The following SORCS3 variants were observed in gnomAD, a reference collection of about 807,000 sequenced individuals.
The protein encoded by SORCS3 is sortilin related VPS10 domain containing receptor 3.
A neutral mutation model predicts 146.3 loss-of-function variants in SORCS3; 57 were observed. The ratio of observed to expected loss-of-function variants is 0.39; its 90% CI spans 0.31 to 0.49. SORCS3 has a LOEUF of 0.49. Ranked by LOEUF, SORCS3 falls within the 20% of genes least tolerant of loss-of-function variation. The pLI is 0.92. For synonymous variants in SORCS3, 653 were observed against 618.5 expected, an observed-to-expected ratio of 1.06 and a Z score of -0.83; for missense variants, 1,341 against 1,575.5, an observed-to-expected ratio of 0.85 and a Z score of 2.52.
intron 14 of SORCS3, among the ~76,000 whole-genome samples, chr10:105,179,029 G>A (rs1376540330): frequency 1.3e-5 from 2 of 152,134 alleles, no homozygotes; most frequent in Non-Finnish European, 2.9e-5. Context: ...GTTTGAATTA[G>A]TCTTTTTCCA....
chr10:104,664,920 G>A (rs557778074), intron 1 of SORCS3: 2 of 152,564 alleles, frequency 1.3e-5, no homozygotes, highest in Admixed American at 1.3e-4. Context: ...ATCTTACAGT[G>A]AAGGGGGCTA....
intron 1 of SORCS3, among the ~76,000 whole-genome samples, chr10:104,669,914 C>A (rs906844461): frequency 3.3e-5 from 5 of 151,640 alleles, no homozygotes; most frequent in African/African-American, 1.2e-4. Context: ...TTATAGTAGT[C>A]ATCTGAATGG....
At chr10:105,112,358 G>A (rs564918420) in intron 7 of SORCS3, among the ~76,000 whole-genome samples, 5 of 152,078 alleles carry the variant, frequency 3.3e-5, no homozygotes, top group South Asian at 4.2e-4. Context: ...TGATTAGGAC[G>A]GGCTTTATGG....
At chr10:104,721,497 T>C (rs1009361440) in intron 1 of SORCS3, among the ~76,000 whole-genome samples, 7 of 151,456 alleles carry the variant, frequency 4.6e-5, no homozygotes, top group African/African-American at 1.7e-4. Flanking sequence ...AAAGTAGTTT[T>C]TTCCAATTCT....
rs528155314 is a variant in SORCS3, at chr10:105,096,218, C to T, written c.1093+6379C>T. Among the ~76,000 whole-genome samples the T allele has an allele frequency of 9.2e-5, 14 of 152,200 alleles. No individual in the cohort carries two copies. The South Asian group carries it at 2.9e-3, about 32-fold the overall frequency. On this transcript the variant is annotated intron_variant, in intron 6 of 26. Transcript: ENST00000369701. ...AATGAAGTATCTCCTGGGAAAGGTC[C>T]TGGGCATTGGCCTTTTATAAAGTTG... is the stretch of plus-strand genomic sequence containing the variant.
intron 1 of SORCS3, among the ~76,000 whole-genome samples, chr10:104,780,215 G>T (rs1170767208): frequency 1.3e-5 from 2 of 151,898 alleles, no homozygotes; most frequent in South Asian, 4.2e-4. Context: ...AATTGGAAAT[G>T]CAGGAGAACT....
intron 5 of SORCS3, among the ~76,000 whole-genome samples, chr10:105,085,649 C>T (rs1589624914): frequency 6.6e-6 from 1 of 152,196 alleles, no homozygotes; most frequent in Non-Finnish European, 1.5e-5. Context: ...CACACCTTCA[C>T]AAACAAAGGC....
chr10:105,253,270 C>T (rs905024332), intron 23 of SORCS3, among the ~76,000 whole-genome samples: 1 of 152,128 alleles, frequency 6.6e-6, no homozygotes, highest in African/African-American at 2.4e-5. Flanking sequence ...TTGTTTATTT[C>T]TGGGACTATG....
At chr10:104,757,430 G>A (rs1468764489) in intron 1 of SORCS3, among the ~76,000 whole-genome samples, 1 of 152,188 alleles carries the variant, frequency 6.6e-6, no homozygotes, top group Non-Finnish European at 1.5e-5. Context: ...CAAGGCAAGG[G>A]ATACTTGTCC....
chr10:104,766,955 C>T (rs2017188199), intron 1 of SORCS3, among the ~76,000 whole-genome samples: 1 of 152,210 alleles, frequency 6.6e-6, no homozygotes, highest in Non-Finnish European at 1.5e-5. Context: ...TAAATATTAT[C>T]TGCATTCCAG....
chr10:104,783,459 C>A (rs888280665), intron 1 of SORCS3, among the ~76,000 whole-genome samples: 3 of 152,152 alleles, frequency 2.0e-5, no homozygotes, highest in Non-Finnish European at 4.4e-5. Context: ...TGGGGCCGGG[C>A]GTGGTGGCTC....
intron 1 of SORCS3, among the ~76,000 whole-genome samples, chr10:104,735,369 A>C (rs1187297596): frequency 6.7e-6 from 1 of 149,462 alleles, no homozygotes; most frequent in East Asian, 2.0e-4. Flanking sequence ...ATGCGTCCTC[A>C]GCTGTTCACT....
At chr10:104,831,018 G>A (rs1222661617) in intron 1 of SORCS3, among the ~76,000 whole-genome samples, 1 of 151,902 alleles carries the variant, frequency 6.6e-6, no homozygotes, top group Non-Finnish European at 1.5e-5. Context: ...TAGAGGCAAG[G>A]TCTTGCCATG....
intron 2 of SORCS3, among the ~76,000 whole-genome samples, chr10:104,892,969 T>C (rs1204395711): frequency 6.6e-6 from 1 of 152,136 alleles, no homozygotes; most frequent in Non-Finnish European, 1.5e-5. Context: ...ACTGCAAAGC[T>C]CTTTATTTAA....
chr10:104,838,977 C>T (rs748223489), intron 1 of SORCS3, among the ~76,000 whole-genome samples: 115 of 152,258 alleles, frequency 7.6e-4, no homozygotes, highest in Admixed American at 8.5e-4. Context: ...AAGGCTTAAC[C>T]TTGAGTCATG....
chr10:104,750,247 C>A (rs1410077715), intron 1 of SORCS3, among the ~76,000 whole-genome samples: 4 of 152,054 alleles, frequency 2.6e-5, no homozygotes, highest in Middle Eastern at 3.2e-3. Flanking sequence ...GCAATTCATG[C>A]TAGCATAAAT....
At chr10:104,795,925 G>A (rs1206059027) in intron 1 of SORCS3, among the ~76,000 whole-genome samples, 1 of 152,166 alleles carries the variant, frequency 6.6e-6, no homozygotes, top group African/African-American at 2.4e-5. Context: ...TAAAACTCTA[G>A]TTACCAACTT....
chr10:105,167,335 A>T lies in SORCS3; in HGVS notation c.1887A>T (p.Pro629=). The change falls in exon 13 of 27, where the codon CCA becomes CCT. Residue 629 remains proline, a synonymous_variant. Transcript: ENST00000369701. Reference sequence around the variant, plus strand: ...TGGCCATGAAACACACACCTCTGCCAGTCAGGCATTTGTGGTAAGGAGAGC... The same window carrying T: ...TGGCCATGAAACACACACCTCTGCCTGTCAGGCATTTGTGGTAAGGAGAGC... ...ALVAMKHTPL[P]VRHLWVSFDE... The T allele has an allele frequency of 6.2e-7, 1 of 1,613,254 alleles. No homozygotes were observed. The highest frequency in any genetic ancestry group is 8.5e-7 in the Non-Finnish European group (1 of 1,179,426).
chr10:104,660,896 TTC>T (rs1393175566), intron 1 of SORCS3, among the ~76,000 whole-genome samples: 1 of 152,230 alleles, frequency 6.6e-6, no homozygotes, highest in Admixed American at 6.5e-5. Flanking sequence ...AGACTGGCTC[TTC>T]TCTCTGTGTT....
Sources: allele counts gnomAD v4.1 joint callset (sites outside exome capture counted in the v4.1 genomes callset), GRCh38; gene constraint gnomAD v4.1.1; transcripts MANE v1.5; gene names NCBI Gene and HGNC (gene_info 2026-07-23, HGNC 2026-07-21).